NFKB1: variants seen among roughly 807,000 people sequenced by gnomAD.
NFKB1 encodes the protein nuclear factor kappa B subunit 1, also known as nuclear factor NF-kappa-B p105 subunit.
NFKB1 carries 9 observed loss-of-function variants against 105.1 expected under a neutral mutation model. The ratio of observed to expected loss-of-function variants is 0.09; its 90% CI spans 0.05 to 0.15. The LOEUF is 0.15. Ranked by LOEUF, NFKB1 falls within the 10% of genes least tolerant of loss-of-function variation. The pLI, the probability that NFKB1 is intolerant of heterozygous loss-of-function variation, is 1.00. For missense variants in NFKB1, 830 were observed against 1,203.7 expected (o/e 0.69, Z 4.59); for synonymous variants, 440 against 442.2 (o/e 1.00, Z 0.06).
At chr4:102,595,961 A>G (rs1726574970) in intron 13 of NFKB1, among the ~76,000 whole-genome samples, 177 bp from the exon 14 acceptor site, 1 of 152,236 alleles carries the variant, frequency 6.6e-6, no homozygotes, top group Non-Finnish European at 1.5e-5. Context: ...AGTTTAGAAT[A>G]TCTCCAAAAC....
intron 5 of NFKB1, among the ~76,000 whole-genome samples, chr4:102,555,933 C>G (rs1722958932): frequency 6.6e-6 from 1 of 152,056 alleles, no homozygotes; most frequent in Admixed American, 6.6e-5. Context: ...AAGGGAAAGG[C>G]CCAGAGACAC....
intron 16 of NFKB1, among the ~76,000 whole-genome samples, chr4:102,602,068 A>G (rs1306512093): frequency 6.6e-6 from 1 of 152,164 alleles, no homozygotes; most frequent in Non-Finnish European, 1.5e-5. Flanking sequence ...TTACTTAGTA[A>G]AGATATTTGT....
Position 102,582,912 on chromosome 4 carries a change from C to G in NFKB1, c.882C>G (p.Val294=). ...ATGAAGAGGAAGAAAATGGTGGAGT[C>G]TGGGAAGGATTTGGAGATTTTTCCC... ...RFYEEEENGG[V]WEGFGDFSPT... is the part of the protein sequence containing the mutation. The change falls in exon 10 of 24, where the codon GTC becomes GTG. Residue 294 remains valine (V), a synonymous_variant. Coordinates refer to ENST00000226574, the MANE Select transcript of NFKB1 (RefSeq NM_003998.4). The G allele has an allele frequency of 6.2e-7, 1 of 1,612,528 alleles. No homozygotes were observed. The highest frequency in any genetic ancestry group is 8.5e-7 in the Non-Finnish European group (1 of 1,178,976).
intron 4 of NFKB1, 133 bp from the exon 5 acceptor site, chr4:102,537,725 C>T: frequency 2.1e-6 from 1 of 480,474 alleles, no homozygotes; most frequent in Non-Finnish European, 3.7e-6. Context: ...TTTACGGAGC[C>T]CTCTTTCACA....
At chr4:102,531,789 C>T (rs945876103) in intron 3 of NFKB1, among the ~76,000 whole-genome samples, 1 of 152,096 alleles carries the variant, frequency 6.6e-6, no homozygotes, top group Non-Finnish European at 1.5e-5. Flanking sequence ...AAATTAAATC[C>T]TACAGGAAAA....
At chr4:102,545,643 G>A (rs1330939810) in intron 5 of NFKB1, among the ~76,000 whole-genome samples, 1 of 152,022 alleles carries the variant, frequency 6.6e-6, no homozygotes, top group Non-Finnish European at 1.5e-5. Flanking sequence ...CTACTTTGCA[G>A]GAATCTTTTA....
chr4:102,572,605 G>A (rs773572090), intron 6 of NFKB1, among the ~76,000 whole-genome samples: 3 of 152,142 alleles, frequency 2.0e-5, no homozygotes, highest in Admixed American at 6.5e-5. Flanking sequence ...CTCCACAGCC[G>A]TGCCAGCATC....
At chr4:102,564,459 G>T (rs940401399) in intron 5 of NFKB1, among the ~76,000 whole-genome samples, 1 of 152,180 alleles carries the variant, frequency 6.6e-6, no homozygotes, top group Non-Finnish European at 1.5e-5. Flanking sequence ...ACAAAACCCA[G>T]GGGGCTCCCT....
chr4:102,515,143 C>G (rs1158359600), intron 1 of NFKB1, among the ~76,000 whole-genome samples: 6 of 118,386 alleles, frequency 5.1e-5, no homozygotes, highest in African/African-American at 1.9e-4. Context: ...CGGAGTCTCG[C>G]TCTGTCGCCC....
At position 102,596,324 on chromosome 4, in the gene NFKB1, G is replaced by T. The variant is rs1390923466; in HGVS notation, c.1487G>T (p.Gly496Val). The T allele has an allele frequency of 6.2e-7, 1 of 1,607,262 alleles. No individual in the cohort carries two copies. Among genetic ancestry groups the T allele is most frequent in the Non-Finnish European group, 8.5e-7 (1 of 1,175,284 alleles). Residue 496 changes from glycine (G) to valine (V), a missense_variant, in exon 14 of 24, where the codon GGA becomes GTA. This residue lies in a region of NFKB1 where 163 missense variants were observed against 164.3 expected (regional missense o/e 0.99). Transcript: ENST00000226574. ...ACAGGAACAAAAGAAGAGAGTGCTG[G>T]AGTTCAGGGTAAGTGAGCACACAAA... ...YATGTKEESA[G>V]VQDNLFLEKA...
At chr4:102,551,376 G>GCGCA (rs1299803091) in intron 5 of NFKB1, among the ~76,000 whole-genome samples, 1 of 150,702 alleles carries the variant, frequency 6.6e-6, no homozygotes, top group African/African-American at 2.4e-5. Context: ...GTGCGCGCGC[G>GCGCA]CATGTGTGTG....
intron 1 of NFKB1, among the ~76,000 whole-genome samples, chr4:102,517,393 C>T (rs565590538): frequency 6.6e-6 from 1 of 152,138 alleles, no homozygotes; most frequent in Non-Finnish European, 1.5e-5. Flanking sequence ...TCTGTGATAA[C>T]TAAAACCAGA....
At position 102,607,254 on chromosome 4, in the gene NFKB1, C is replaced by A; in HGVS notation, c.2059C>A (p.Arg687Ser). The A allele has an allele frequency of 6.2e-7, 1 of 1,614,202 alleles. No homozygotes were observed. The highest frequency in any genetic ancestry group is 8.5e-7 in the Non-Finnish European group (1 of 1,180,028). ...DVNAQEQKSGRTALHLAVEHD... is the reference protein window; with the variant it reads ...DVNAQEQKSGSTALHLAVEHD... The stretch of plus-strand genomic sequence containing the variant: ...CAATGCTCAGGAGCAGAAGTCCGGG[C>A]GCACAGCACTGCACCTGGCTGTGGA... The change falls in exon 18 of 24, where the codon CGC (arginine) becomes AGC (serine). Residue 687 changes from arginine (R) to serine (S), a missense_variant. By Grantham distance (110) the Arg-to-Ser change is moderately radical. Transcript: ENST00000226574.
At chr4:102,552,952 A>T (rs530309007) in intron 5 of NFKB1, among the ~76,000 whole-genome samples, 4 of 152,116 alleles carry the variant, frequency 2.6e-5, no homozygotes, top group Non-Finnish European at 5.9e-5. Flanking sequence ...TGCCCTATTA[A>T]TGTCTAGAGT....
chr4:102,578,819 G>C (rs751282841), intron 7 of NFKB1, 62 bp from the exon 8 acceptor site: 2 of 1,538,444 alleles, frequency 1.3e-6, no homozygotes, highest in South Asian at 1.2e-5. Flanking sequence ...CTTTATAAAA[G>C]CATGGTCTTT....
chr4:102,566,968 G>A lies in NFKB1; in HGVS notation c.259-19G>A. The A allele has an allele frequency of 6.2e-7, 1 of 1,612,852 alleles. No homozygotes were observed. The highest frequency in any genetic ancestry group is 8.5e-7 in the Non-Finnish European group (1 of 1,179,046). On this transcript the variant is annotated intron_variant, in intron 5 of 23. Coordinates refer to ENST00000226574, the MANE Select transcript of NFKB1 (RefSeq NM_003998.4). The stretch of plus-strand genomic sequence containing the variant: ...GGAGAGTCAGATATGCTAACTTTTG[G>A]AATGTGCTTCTTATATAGATCTGCA...
Position 102,551,363 on chromosome 4 carries a change from T to TGCGC in NFKB1, c.258+13408_258+13409insCGCG, listed in dbSNP as rs755365634. Among the ~76,000 whole-genome samples the TGCGC allele has an allele frequency of 5.9e-3, 406 of 68,364 alleles. 3 individuals carry two copies. Among genetic ancestry groups the TGCGC allele is most frequent in the Admixed American group, 9.7e-3 (86 of 8,822 alleles). 44.8% of individuals were successfully genotyped at this position (68,364 alleles called of 152,430 possible). A position where few individuals can be genotyped will look rare whatever the true frequency, so the allele number is the denominator to read the frequency against. On this transcript the variant is annotated intron_variant, in intron 5 of 23. Transcript: ENST00000226574. ...TTCTAAATTGGTGTGTGTGTGTGTG[T>TGCGC]GTGTGCGCGCGCGCATGTGTGTGTG...
chr4:102,580,075 T>C (rs1183266052), intron 8 of NFKB1, among the ~76,000 whole-genome samples: 6 of 152,238 alleles, frequency 3.9e-5, no homozygotes, highest in African/African-American at 1.4e-4. Context: ...AACATCCCCA[T>C]TTTCCTTACC....
intron 9 of NFKB1, among the ~76,000 whole-genome samples, chr4:102,582,393 C>T (rs552720117): frequency 5.3e-5 from 8 of 152,326 alleles, no homozygotes; most frequent in Admixed American, 2.6e-4. Context: ...ATCTACATCA[C>T]AAGGTTGTGG....
Sources: allele counts gnomAD v4.1 joint callset (sites outside exome capture counted in the v4.1 genomes callset), GRCh38; gene constraint gnomAD v4.1.1; regional missense constraint gnomAD v4.1.1; transcripts MANE v1.5; gene names NCBI Gene and HGNC (gene_info 2026-07-23, HGNC 2026-07-21).